The following ADK variants were observed in gnomAD, a reference collection of about 807,000 sequenced individuals.
ADK encodes the protein adenosine kinase, also known as N6,N6-dimethyladenosine kinase.
Under a neutral mutation model 44.7 loss-of-function variants are expected in ADK, and 24 were observed. That is an observed-to-expected ratio of 0.54 (90% CI 0.39 to 0.76). The LOEUF is 0.76. Ranked by LOEUF, ADK falls within the 30% of genes least tolerant of loss-of-function variation. ADK has a pLI of 0.00. For missense variants in ADK, 321 were observed against 425.1 expected, an observed-to-expected ratio of 0.76 and a Z score of 2.15; for synonymous variants, 128 against 142.6, an observed-to-expected ratio of 0.90 and a Z score of 0.73.
At chr10:74,537,634 A>T (rs1000486441) in intron 7 of ADK, among the ~76,000 whole-genome samples, 30 of 152,184 alleles carry the variant, frequency 2.0e-4, no homozygotes, top group African/African-American at 6.0e-4. Context: ...GGTTCTTAGG[A>T]GTAATGCCTT....
At chr10:74,519,235 A>G (rs1162261499) in intron 6 of ADK, among the ~76,000 whole-genome samples, 2 of 151,986 alleles carry the variant, frequency 1.3e-5, no homozygotes, top group Admixed American at 6.5e-5. Flanking sequence ...TAAACTTTCA[A>G]TGTCAAAATA....
chr10:74,632,806 T>C (rs1431845364), intron 9 of ADK, among the ~76,000 whole-genome samples: 4 of 152,222 alleles, frequency 2.6e-5, no homozygotes, highest in Non-Finnish European at 5.9e-5. Context: ...TATTTACCTA[T>C]TCTTCAGTTA....
chr10:74,564,380 A>G (rs142982270), intron 7 of ADK, among the ~76,000 whole-genome samples: 1 of 152,264 alleles, frequency 6.6e-6, no homozygotes, highest in Non-Finnish European at 1.5e-5. Flanking sequence ...AACTAATGGT[A>G]TTTCCATCTA....
At chr10:74,336,948 G>A (rs547649158) in intron 4 of ADK, among the ~76,000 whole-genome samples, 1 of 152,254 alleles carries the variant, frequency 6.6e-6, no homozygotes, top group African/African-American at 2.4e-5. Flanking sequence ...TTTTTGATCT[G>A]CTGTTGGTTG....
At chr10:74,668,224 A>G (rs1407345285) in intron 9 of ADK, among the ~76,000 whole-genome samples, 1 of 152,180 alleles carries the variant, frequency 6.6e-6, no homozygotes, top group Non-Finnish European at 1.5e-5. Flanking sequence ...CTTTATAAGT[A>G]TTTATGGTAC....
chr10:74,508,384 A>T (rs2133496625), intron 6 of ADK: 1 of 152,288 alleles, frequency 6.6e-6, no homozygotes, highest in Non-Finnish European at 1.5e-5. Context: ...TTCTGATGGG[A>T]GGCAGAAGAC....
intron 7 of ADK, among the ~76,000 whole-genome samples, chr10:74,539,104 A>G (rs957435401): frequency 1.3e-5 from 2 of 152,098 alleles, no homozygotes; most frequent in South Asian, 2.1e-4. Context: ...GTTTGGGAGG[A>G]AAAAAGAAAC....
intron 3 of ADK, among the ~76,000 whole-genome samples, chr10:74,312,572 T>G (rs1413082250): frequency 6.6e-6 from 1 of 151,674 alleles, no homozygotes; most frequent in Non-Finnish European, 1.5e-5. Flanking sequence ...AAAAAATCCT[T>G]TTATATTAAC....
At chr10:74,385,385 A>G (rs964332069) in intron 4 of ADK, among the ~76,000 whole-genome samples, 2 of 152,160 alleles carry the variant, frequency 1.3e-5, no homozygotes, top group African/African-American at 4.8e-5. Context: ...CAGCATATAG[A>G]TGATAATTGA....
rs989740373 is a variant in ADK at position 74,489,198 on chromosome 10, C to G, written c.556-36058C>G. Among the ~76,000 whole-genome samples the G allele has an allele frequency of 2.6e-5, 4 of 152,004 alleles. No homozygotes were observed. In the South Asian group the frequency reaches 8.3e-4, roughly 31 times the overall value. ...ATTAAAAGAAAGTTCATATGGAACA[C>G]TCTGCTTATATGCTTCATCTTCTTT... is the stretch of plus-strand genomic sequence containing the variant. On this transcript the variant is annotated intron_variant, in intron 6 of 10. Transcript: ENST00000539909.
intron 3 of ADK, among the ~76,000 whole-genome samples, chr10:74,290,325 T>TAC (rs1163263556): frequency 6.6e-6 from 1 of 152,224 alleles, no homozygotes; most frequent in Non-Finnish European, 1.5e-5. Flanking sequence ...AAACTATCAG[T>TAC]ACTTCTGATT....
intron 4 of ADK, among the ~76,000 whole-genome samples, chr10:74,348,986 C>T (rs2131897610): frequency 6.6e-6 from 1 of 152,146 alleles, no homozygotes; most frequent in East Asian, 1.9e-4. Flanking sequence ...TTGGAAAACA[C>T]ACTTCAGGAT....
chr10:74,633,169 A>G (rs1853500377), intron 9 of ADK, among the ~76,000 whole-genome samples: 1 of 152,188 alleles, frequency 6.6e-6, no homozygotes, highest in Non-Finnish European at 1.5e-5. Flanking sequence ...CACAGTATGA[A>G]ATTCCTCCTT....
At position 74,302,095 on chromosome 10, in the gene ADK, T is replaced by TTGTTTGTTTGTTTG. The variant is rs1238769264; in HGVS notation, c.195-12571_195-12570insGTTTGTTTGTTTGT. Among the ~76,000 whole-genome samples the TTGTTTGTTTGTTTG allele has an allele frequency of 4.6e-5, 3 of 65,786 alleles. 1 individual carries two copies. Among genetic ancestry groups the TTGTTTGTTTGTTTG allele is most frequent in the Admixed American group, 3.4e-4 (2 of 5,888 alleles). The allele number at this position is 65,786 out of a possible 152,430, so 43.2% of individuals were successfully genotyped here. On this transcript the variant is annotated intron_variant, in intron 3 of 10. Transcript: ENST00000539909. ...TTTGCTTTCTTTTCTTTTCTGTTTT[T>TTGTTTGTTTGTTTG]TTTTTGTTTGTTTGTTTTTTTTTTT...
intron 1 of ADK, among the ~76,000 whole-genome samples, chr10:74,165,850 C>G (rs1207256710): frequency 6.6e-6 from 1 of 152,130 alleles, no homozygotes; most frequent in Admixed American, 6.6e-5. Flanking sequence ...GTAGTTTTAT[C>G]CCCCCCAAAA....
intron 2 of ADK, among the ~76,000 whole-genome samples, chr10:74,217,921 A>G (rs1480907669): frequency 1.3e-5 from 2 of 152,144 alleles, no homozygotes; most frequent in Non-Finnish European, 2.9e-5. Flanking sequence ...AAAGATGGGG[A>G]AAAAACAGAG....
At chr10:74,284,187 C>T (rs187713015) in intron 3 of ADK, among the ~76,000 whole-genome samples, 41 of 150,342 alleles carry the variant, frequency 2.7e-4, no homozygotes, top group African/African-American at 9.1e-4. Context: ...CTCGAACTCC[C>T]GAACTCAGGT....
chr10:74,223,380 A>G (rs1024535599), intron 2 of ADK, among the ~76,000 whole-genome samples: 2 of 152,158 alleles, frequency 1.3e-5, no homozygotes, highest in Admixed American at 6.5e-5. Flanking sequence ...CCCAGCTCTC[A>G]ATATTGCCCC....
chr10:74,204,776 G>T (rs1843527075), intron 2 of ADK, among the ~76,000 whole-genome samples: 1 of 151,998 alleles, frequency 6.6e-6, no homozygotes, highest in Admixed American at 6.5e-5. Flanking sequence ...GGGCGTGGTG[G>T]CTCACGCCTG....
Sources: gnomAD v4.1 joint callset for allele counts (sites outside exome capture counted in the v4.1 genomes callset) on GRCh38, gnomAD v4.1.1 for gene constraint, MANE v1.5 for transcripts, NCBI Gene and HGNC (gene_info 2026-07-23, HGNC 2026-07-21) for gene names.